DOCK1: variants seen among roughly 807,000 people sequenced by gnomAD.
DOCK1 encodes dedicator of cytokinesis protein 1.
Under a neutral mutation model 262.7 loss-of-function variants are expected in DOCK1, and 138 were observed. The observed-to-expected ratio is 0.53, with a 90% CI of 0.46 to 0.61. DOCK1 has a LOEUF of 0.61. Ranked by LOEUF, DOCK1 falls within the 20% of genes least tolerant of loss-of-function variation. The probability of loss-of-function intolerance (pLI) is 0.00; values close to 1 mark genes in which losing one functional copy is unlikely to be tolerated. For missense variants in DOCK1, 1,908 were observed against 2,370.7 expected (o/e 0.80, Z 4.05); for synonymous variants, 866 against 867.4 (o/e 1.00, Z 0.03).
At chr10:126,972,836 G>C (rs577464848) in intron 2 of DOCK1, among the ~76,000 whole-genome samples, 4 of 151,766 alleles carry the variant, frequency 2.6e-5, no homozygotes, top group Non-Finnish European at 5.9e-5. Context: ...TGGCCTCTGC[G>C]TGGAAGCCAG....
intron 21 of DOCK1, among the ~76,000 whole-genome samples, chr10:127,050,843 TA>T (rs1362846535): frequency 6.6e-6 from 1 of 152,216 alleles, no homozygotes; most frequent in Non-Finnish European, 1.5e-5. Context: ...TTCTAGATTT[TA>T]AAAAATTAAG....
intron 27 of DOCK1, among the ~76,000 whole-genome samples, chr10:127,224,308 C>G (rs1331118593): frequency 1.3e-5 from 2 of 152,066 alleles, no homozygotes; most frequent in East Asian, 3.9e-4. Flanking sequence ...CACCTGTAAT[C>G]CTAGTACTTT....
intron 4 of DOCK1, among the ~76,000 whole-genome samples, chr10:126,987,305 A>C (rs2039473720): frequency 6.6e-6 from 1 of 152,208 alleles, no homozygotes; most frequent in South Asian, 2.1e-4. Flanking sequence ...GCTTACGTGC[A>C]GGGTAATGTA....
intron 1 of DOCK1, among the ~76,000 whole-genome samples, chr10:126,927,339 A>G (rs1002905115): frequency 2.6e-5 from 4 of 152,174 alleles, no homozygotes; most frequent in Non-Finnish European, 5.9e-5. Context: ...AGGCATTGAA[A>G]TGTGCATTCC....
At position 127,437,652 on chromosome 10, in the gene DOCK1, T is replaced by A. The variant is rs1479449528; in HGVS notation, c.5061-1375T>A. ...CACCACCATGCCCAGCTAATTTTTG[T>A]ACGTTTTATCGAGACTGGATCTTGC... On this transcript the variant is annotated intron_variant, in intron 48 of 51. Transcript: ENST00000623213. The surrounding 1 kb of genome is among the most constrained non-coding windows in gnomAD (Gnocchi z 4.4). Among the ~76,000 whole-genome samples, 1 of 152,166 alleles carries A rather than the reference T, an allele frequency of 6.6e-6. No homozygotes were observed. The highest frequency in any genetic ancestry group is 1.5e-5 in the Non-Finnish European group (1 of 68,028).
intron 1 of DOCK1, among the ~76,000 whole-genome samples, chr10:126,921,368 G>A (rs1364591753): frequency 6.6e-6 from 1 of 152,142 alleles, no homozygotes; most frequent in African/African-American, 2.4e-5. Flanking sequence ...GCCATGAAAA[G>A]GAATGAAACA....
intron 2 of DOCK1, among the ~76,000 whole-genome samples, chr10:126,977,416 T>A (rs2038629544): frequency 6.6e-6 from 1 of 152,172 alleles, no homozygotes; most frequent in Non-Finnish European, 1.5e-5. Flanking sequence ...TCCTGTGGGT[T>A]GAGGGCTGTA....
intron 38 of DOCK1, among the ~76,000 whole-genome samples, chr10:127,401,885 C>A (rs1051405676): frequency 1.3e-5 from 2 of 152,150 alleles, no homozygotes; most frequent in Non-Finnish European, 2.9e-5. Flanking sequence ...ATGCCTTGAT[C>A]TTTTTTTGTG....
chr10:127,058,744 T>C (rs1002786118), intron 22 of DOCK1, among the ~76,000 whole-genome samples: 2 of 152,156 alleles, frequency 1.3e-5, no homozygotes, highest in Non-Finnish European at 2.9e-5. Flanking sequence ...TTTCAAATGA[T>C]TACTCTTACC....
chr10:127,067,181 C>T (rs1427712650), intron 23 of DOCK1, among the ~76,000 whole-genome samples: 9 of 152,280 alleles, frequency 5.9e-5, no homozygotes, highest in East Asian at 3.9e-4. Flanking sequence ...GGGCTGGTCA[C>T]GAAGGCTTGT....
chr10:127,220,341 C>T (rs1290366338), intron 27 of DOCK1, among the ~76,000 whole-genome samples: 1 of 151,922 alleles, frequency 6.6e-6, no homozygotes, highest in Non-Finnish European at 1.5e-5. Context: ...AACAGAGAAC[C>T]AGGAGGCCCA....
intron 28 of DOCK1, among the ~76,000 whole-genome samples, chr10:127,253,787 A>T (rs1336108617): frequency 7.5e-5 from 11 of 146,442 alleles, no homozygotes; most frequent in Admixed American, 7.1e-4. Context: ...AGGCAGGAGG[A>T]TCACTTTAGC....
chr10:126,924,225 AATGCT>A (rs2033480914), intron 1 of DOCK1, among the ~76,000 whole-genome samples: 1 of 137,386 alleles, frequency 7.3e-6, no homozygotes, highest in East Asian at 2.4e-4. Context: ...GGGGGAACTG[AATGCT>A]GGAACTGAGC....
intron 29 of DOCK1, among the ~76,000 whole-genome samples, chr10:127,306,384 C>G (rs2061877045): frequency 6.6e-6 from 1 of 152,112 alleles, no homozygotes; most frequent in Admixed American, 6.6e-5. Flanking sequence ...TGTGAGAACA[C>G]TGGGCTTTTT....
intron 1 of DOCK1, among the ~76,000 whole-genome samples, chr10:126,923,901 G>A (rs2033448210): frequency 6.6e-6 from 1 of 152,184 alleles, no homozygotes; most frequent in South Asian, 2.1e-4. Context: ...TGCCTTCTAT[G>A]AGCCAGGAAA....
In DOCK1 at chr10:127,043,066, A is replaced by G. The variant is rs1023642941; in HGVS notation, c.2103A>G (p.Val701=). 28 of 1,600,082 alleles carry G rather than the reference A, an allele frequency of 1.7e-5. No homozygotes were observed. The highest frequency in any genetic ancestry group is 1.9e-5 in the Non-Finnish European group (22 of 1,172,124). ...AATATTATTGATTAATTTGACAGGTATTTATCATTGGACTGATTGCTGATA... is the reference window on the plus strand; with the variant it reads ...AATATTATTGATTAATTTGACAGGTGTTTATCATTGGACTGATTGCTGATA... ...TFDTLVFDAL[V]FIIGLIADRK... is the part of the protein sequence containing the mutation. The change falls in exon 21 of 52, where the codon GTA becomes GTG. Residue 701 remains valine, a splice_region_variant and synonymous_variant. Transcript: ENST00000623213.
At chr10:127,241,356 T>A (rs2059259096) in intron 27 of DOCK1, among the ~76,000 whole-genome samples, 1 of 152,126 alleles carries the variant, frequency 6.6e-6, no homozygotes, top group South Asian at 2.1e-4. Context: ...TATTGTAGTT[T>A]TTTTACTTCT....
At chr10:127,026,940 A>G (rs374056361) in intron 16 of DOCK1, among the ~76,000 whole-genome samples, 1 of 152,250 alleles carries the variant, frequency 6.6e-6, no homozygotes, top group African/African-American at 2.4e-5. Flanking sequence ...AGAATTTATT[A>G]TTGATGACTG....
chr10:127,276,815 A>G (rs137889103), intron 29 of DOCK1, among the ~76,000 whole-genome samples: 1 of 135,878 alleles, frequency 7.4e-6, no homozygotes, highest in Non-Finnish European at 1.7e-5. Context: ...TGCAGAATGC[A>G]TGCAGGGAAT....
Sources: allele counts gnomAD v4.1 joint callset (sites outside exome capture counted in the v4.1 genomes callset), GRCh38; gene constraint gnomAD v4.1.1; non-coding constraint Gnocchi (gnomAD v3.1); transcripts MANE v1.5; gene names NCBI Gene and HGNC (gene_info 2026-07-23, HGNC 2026-07-21).